The following SSH2 variants were observed in gnomAD, a reference collection of about 807,000 sequenced individuals.
The protein encoded by SSH2 is slingshot protein phosphatase 2, also known as protein phosphatase Slingshot homolog 2.
SSH2 carries 37 observed loss-of-function variants against 135.2 expected under a neutral mutation model. The observed-to-expected ratio is 0.27, with a 90% confidence interval of 0.21 to 0.36. The LOEUF (loss-of-function observed/expected upper bound fraction) is 0.36. SSH2 is among the 10% of genes least tolerant of loss of function. SSH2 has a pLI of 1.00. For missense variants in SSH2, 1,408 were observed against 1,765.3 expected (o/e 0.80, Z 3.63); for synonymous variants, 628 against 646.2 (o/e 0.97, Z 0.43).
At chr17:29,741,939 T>TC (rs1457738605) in intron 3 of SSH2, among the ~76,000 whole-genome samples, 1 of 144,106 alleles carries the variant, frequency 6.9e-6, no homozygotes, top group Admixed American at 6.9e-5. Flanking sequence ...TTTTTCTTTT[T>TC]TTTTTTTTTT....
rs939513867 is a variant in SSH2, at chr17:29,627,540, AG to A, written c.*3300del. 4 of 152,466 alleles carry A rather than the reference AG, an allele frequency of 2.6e-5. No homozygotes were observed. The highest frequency in any genetic ancestry group is 9.7e-5 in the African/African-American group (4 of 41,450). The allele number at this position is 152,466 out of a possible 1,614,324, so 9.4% of individuals were successfully genotyped here. Reference sequence around the variant, plus strand: ...AAAATGAGAAAGAGGAACTATCAGTAGGGATAAAGACACAGAACAAGGAAAT... The same window carrying A: ...AAAATGAGAAAGAGGAACTATCAGTAGGATAAAGACACAGAACAAGGAAAT... On this transcript the variant is annotated 3_prime_UTR_variant, in exon 16 of 16. Coordinates refer to ENST00000540801, the MANE Select transcript of SSH2 (RefSeq NM_001282129.2).
At chr17:29,852,641 T>A (rs1218456013) in intron 1 of SSH2, among the ~76,000 whole-genome samples, 2 of 151,350 alleles carry the variant, frequency 1.3e-5, no homozygotes, top group African/African-American at 4.9e-5. Context: ...AACCTCCGCC[T>A]CCTGGGTTCA....
At chr17:29,869,350 C>T (rs1487262262) in intron 1 of SSH2, among the ~76,000 whole-genome samples, 1 of 152,156 alleles carries the variant, frequency 6.6e-6, no homozygotes, top group Non-Finnish European at 1.5e-5. Flanking sequence ...TCCAAGCCAA[C>T]CATAACTTAA....
intron 14 of SSH2, among the ~76,000 whole-genome samples, chr17:29,642,324 AT>A (rs2036196272): frequency 6.6e-6 from 1 of 151,984 alleles, no homozygotes; most frequent in African/African-American, 2.4e-5. Context: ...CAAAACTGAC[AT>A]TTCTGAGGAA....
chr17:29,747,193 C>T (rs546317611), intron 3 of SSH2, among the ~76,000 whole-genome samples: 1 of 152,250 alleles, frequency 6.6e-6, no homozygotes, highest in South Asian at 2.1e-4. Context: ...ACATATACAA[C>T]AATTTAAATA....
intron 6 of SSH2, among the ~76,000 whole-genome samples, chr17:29,683,590 A>G (rs1426595121): frequency 6.6e-6 from 1 of 152,158 alleles, no homozygotes; most frequent in Non-Finnish European, 1.5e-5. Context: ...ATACTACCAC[A>G]AAGGGTAGGT....
intron 1 of SSH2, among the ~76,000 whole-genome samples, chr17:29,860,747 T>G (rs1425864845): frequency 8.7e-6 from 1 of 114,914 alleles, no homozygotes. Flanking sequence ...TGCCCACTTT[T>G]TTTCTTTTTT....
At chr17:29,858,339 C>A (rs1001541187) in intron 1 of SSH2, among the ~76,000 whole-genome samples, 29 of 152,158 alleles carry the variant, frequency 1.9e-4, no homozygotes, top group Admixed American at 2.6e-4. Context: ...TAAAATCAAA[C>A]AGGTGGCAGA....
intron 1 of SSH2, among the ~76,000 whole-genome samples, chr17:29,857,477 C>A (rs930704566): frequency 2.6e-5 from 4 of 152,092 alleles, no homozygotes; most frequent in African/African-American, 9.7e-5. Context: ...GGGACACAGT[C>A]AAACCATATC....
intron 2 of SSH2, among the ~76,000 whole-genome samples, chr17:29,846,863 A>G (rs532303009): frequency 6.6e-6 from 1 of 152,234 alleles, no homozygotes; most frequent in Non-Finnish European, 1.5e-5. Context: ...GATACAGACA[A>G]TTCATTTTTT....
intron 1 of SSH2, among the ~76,000 whole-genome samples, chr17:29,884,453 T>C (rs1274160129): frequency 1.3e-5 from 2 of 152,180 alleles, no homozygotes; most frequent in African/African-American, 2.4e-5. Flanking sequence ...TCCATGGGCA[T>C]TCCTTGAGTG....
chr17:29,908,991 G>A (rs1219502053), intron 1 of SSH2, among the ~76,000 whole-genome samples: 1 of 151,296 alleles, frequency 6.6e-6, no homozygotes, highest in Non-Finnish European at 1.5e-5. Flanking sequence ...GCAGGAGAAT[G>A]GTGTGAAGCC....
chr17:29,745,698 G>A (rs2040737450), intron 3 of SSH2, among the ~76,000 whole-genome samples: 1 of 152,142 alleles, frequency 6.6e-6, no homozygotes, highest in Non-Finnish European at 1.5e-5. Context: ...TTACCATCAT[G>A]CTAGTGTGCC....
chr17:29,838,017 C>T (rs2042973082), intron 2 of SSH2, among the ~76,000 whole-genome samples: 1 of 152,250 alleles, frequency 6.6e-6, no homozygotes, highest in Non-Finnish European at 1.5e-5. Context: ...GCTGCAGCTG[C>T]CCAAACCTCG....
At chr17:29,929,860 G>A (rs1336125542) in intron 1 of SSH2, 78 bp downstream of exon 1, 1 of 1,371,136 alleles carries the variant, frequency 7.3e-7, no homozygotes, top group Non-Finnish European at 1.0e-6. Flanking sequence ...GTGCGCAGTG[G>A]CGTTCGGCGG....
chr17:29,772,032 T>C (rs904162889), intron 3 of SSH2, among the ~76,000 whole-genome samples: 3 of 152,068 alleles, frequency 2.0e-5, no homozygotes, highest in Non-Finnish European at 4.4e-5. Flanking sequence ...AAAAATTAAC[T>C]CCTCAGTCCT....
At chr17:29,780,810 C>T (rs1024054311) in intron 3 of SSH2, among the ~76,000 whole-genome samples, 6 of 151,708 alleles carry the variant, frequency 4.0e-5, no homozygotes, top group African/African-American at 1.5e-4. Flanking sequence ...ACTTTTCCTC[C>T]CTTTTTTTAT....
In SSH2 at chr17:29,695,598, T is replaced by C. The variant is rs1430346385; in HGVS notation, c.293-75A>G. 2.0e-4 allele frequency: 271 copies of C among 1,352,896 alleles called. 1 individual carries two copies. The highest frequency in any genetic ancestry group is 2.1e-5 in the Admixed American group (1 of 48,384). 83.8% of individuals were successfully genotyped at this position (1,352,896 alleles called of 1,614,324 possible). A position where few individuals can be genotyped will look rare whatever the true frequency, so the allele number is the denominator to read the frequency against. ...ACAGAGAGGATTCCTTCTACTTTAG[T>C]GACTTTTGTAAAAGAAAGTTCTGAT... On this transcript the variant is annotated intron_variant, in intron 4 of 15. Transcript: ENST00000540801.
chr17:29,731,628 G>A (rs2040203483), intron 3 of SSH2, among the ~76,000 whole-genome samples: 1 of 151,958 alleles, frequency 6.6e-6, no homozygotes, highest in Non-Finnish European at 1.5e-5. Flanking sequence ...GCTAATCTGT[G>A]CATTTTTAGT....
Sources: gnomAD v4.1 joint callset for allele counts (sites outside exome capture counted in the v4.1 genomes callset) on GRCh38, gnomAD v4.1.1 for gene constraint, MANE v1.5 for transcripts, NCBI Gene and HGNC (gene_info 2026-07-23, HGNC 2026-07-21) for gene names.